Variants in FARS2 observed in about 807,000 individuals in gnomAD.
The protein encoded by FARS2 is phenylalanyl-tRNA synthetase 2, mitochondrial, also known as phenylalanine--tRNA ligase, mitochondrial.
FARS2 carries 40 observed loss-of-function variants against 46.4 expected under a neutral mutation model. That is an observed-to-expected ratio of 0.86 (90% CI 0.67 to 1.12). FARS2 has a LOEUF of 1.12. Among genes scored for constraint, FARS2 ranks in the 50% most tolerant of loss-of-function variants. FARS2 has a pLI of 0.00. For missense variants in FARS2, 513 were observed against 567.9 expected (o/e 0.90, Z 0.98); for synonymous variants, 234 against 214.9 (o/e 1.09, Z -0.78).
rs138053759 is a variant in FARS2 at position 5,498,322 on chromosome 6, G to A, written c.905-46858G>A. On this transcript the variant is annotated intron_variant, in intron 4 of 6. Coordinates refer to ENST00000274680, the MANE Select transcript of FARS2 (RefSeq NM_006567.5). ...GGCTCCTTATTTTTTCCTTTTATTC[G>A]TGTCACTAGGCTTTTGCTTGTTTCG... Among the ~76,000 whole-genome samples, 312 of 152,182 alleles carry A rather than the reference G, an allele frequency of 2.1e-3. 2 individuals are homozygous for A. The highest frequency in any genetic ancestry group is 4.4e-3 in the African/African-American group (181 of 41,506).
At chr6:5,255,068 C>G in the FARS2 span, among the ~76,000 whole-genome samples, 1 of 152,092 alleles carries the variant, frequency 6.6e-6, no homozygotes, top group South Asian at 2.1e-4. Flanking sequence ...GACAAGCCAC[C>G]CTGCTGACCA....
At chr6:5,279,642 C>T (rs889114512) in intron 1 of FARS2, among the ~76,000 whole-genome samples, 3 of 149,560 alleles carry the variant, frequency 2.0e-5, no homozygotes, top group African/African-American at 7.4e-5. Flanking sequence ...ACCTGGAGAC[C>T]CAGGAGAGCA....
chr6:5,287,393 C>T (rs568987297), intron 1 of FARS2, among the ~76,000 whole-genome samples: 2 of 152,282 alleles, frequency 1.3e-5, no homozygotes, highest in Admixed American at 6.5e-5. Flanking sequence ...GAGGTGTCCT[C>T]AGCCCATCCC....
chr6:5,260,652 A>G, upstream of FARS2: 1 of 1,446,308 alleles, frequency 6.9e-7, no homozygotes, highest in East Asian at 3.0e-5. Context: ...GGTCACCTGT[A>G]ATTGTAGGCG....
At chr6:5,341,215 A>T (rs866993737) in intron 1 of FARS2, among the ~76,000 whole-genome samples, 8 of 8,398 alleles carry the variant, frequency 9.5e-4, no homozygotes, top group South Asian at 3.3e-3. Context: ...ATATATATAT[A>T]TATATATATA....
intron 2 of FARS2, among the ~76,000 whole-genome samples, chr6:5,389,852 ATTG>A (rs987776016): frequency 1.7e-5 from 2 of 120,898 alleles, no homozygotes; most frequent in Admixed American, 8.1e-5. Flanking sequence ...TGTTGTTGTT[ATTG>A]TTGTTTTTGT....
chr6:5,424,033 G>A (rs1001124362), intron 3 of FARS2, among the ~76,000 whole-genome samples: 8 of 152,150 alleles, frequency 5.3e-5, no homozygotes, highest in South Asian at 2.1e-4. Context: ...GGGGAGAGAC[G>A]AGATGTAAAC....
At chr6:5,444,324 G>A (rs1241366750) in intron 4 of FARS2, among the ~76,000 whole-genome samples, 1 of 151,830 alleles carries the variant, frequency 6.6e-6, no homozygotes, top group Non-Finnish European at 1.5e-5. Context: ...AAAATTAGCT[G>A]GGCATGGTGT....
At chr6:5,486,948 A>T (rs1001292432) in intron 4 of FARS2, among the ~76,000 whole-genome samples, 1 of 152,218 alleles carries the variant, frequency 6.6e-6, no homozygotes, top group Non-Finnish European at 1.5e-5. Flanking sequence ...TTACCTACTC[A>T]TTCATCAGAT....
intron 4 of FARS2, among the ~76,000 whole-genome samples, chr6:5,517,029 G>T (rs1480090106): frequency 6.6e-6 from 1 of 152,176 alleles, no homozygotes; most frequent in African/African-American, 2.4e-5. Flanking sequence ...TGCATTCATT[G>T]TGCCCTGGGA....
intron 1 of FARS2, among the ~76,000 whole-genome samples, chr6:5,348,685 G>T (rs996087568): frequency 6.6e-5 from 10 of 150,938 alleles, no homozygotes; most frequent in Admixed American, 6.0e-4. Flanking sequence ...ACGGTATTTG[G>T]AGACAAATAA....
At chr6:5,336,545 T>G (rs1771172086) in intron 1 of FARS2, among the ~76,000 whole-genome samples, 1 of 152,124 alleles carries the variant, frequency 6.6e-6, no homozygotes, top group South Asian at 2.1e-4. Context: ...GGTGTTTATA[T>G]TTATGGGGTA....
intron 1 of FARS2, among the ~76,000 whole-genome samples, chr6:5,268,834 A>C (rs1043025746): frequency 6.6e-5 from 10 of 152,156 alleles, no homozygotes; most frequent in Non-Finnish European, 1.2e-4. Flanking sequence ...CCTATCCATG[A>C]GCATGGAATG....
chr6:5,598,905 A>G (rs1364094173), intron 5 of FARS2, among the ~76,000 whole-genome samples: 1 of 152,198 alleles, frequency 6.6e-6, no homozygotes, highest in East Asian at 1.9e-4. Context: ...TCACGTCTTA[A>G]GTTCTTTGGG....
intron 6 of FARS2, among the ~76,000 whole-genome samples, chr6:5,677,995 A>G (rs1778849831): frequency 6.6e-6 from 1 of 152,168 alleles, no homozygotes; most frequent in Admixed American, 6.5e-5. Context: ...TGGATGTGGA[A>G]AACTGAGAGA....
chr6:5,359,118 C>A (rs1198730055), intron 1 of FARS2, among the ~76,000 whole-genome samples: 7 of 136,050 alleles, frequency 5.1e-5, no homozygotes, highest in African/African-American at 1.1e-4. Flanking sequence ...CGGTTCACTG[C>A]AACCTCCGCC....
chr6:5,708,626 C>G (rs1445088321), intron 6 of FARS2, among the ~76,000 whole-genome samples: 1 of 151,720 alleles, frequency 6.6e-6, no homozygotes, highest in African/African-American at 2.4e-5. Context: ...CATGACAATC[C>G]CCCCAAATCC....
intron 6 of FARS2, among the ~76,000 whole-genome samples, chr6:5,698,845 C>T (rs1010025469): frequency 2.0e-5 from 3 of 152,140 alleles, no homozygotes; most frequent in African/African-American, 7.2e-5. Flanking sequence ...GTGGGGTGCC[C>T]TCTGCATCAT....
chr6:5,325,196 G>T (rs868730417), intron 1 of FARS2, among the ~76,000 whole-genome samples: 8 of 152,162 alleles, frequency 5.3e-5, no homozygotes, highest in African/African-American at 1.9e-4. Context: ...GAGCTCTGGT[G>T]GGTGCTTCTC....
Sources: gnomAD v4.1 joint callset for allele counts (sites outside exome capture counted in the v4.1 genomes callset) on GRCh38, gnomAD v4.1.1 for gene constraint, MANE v1.5 for transcripts, NCBI Gene and HGNC (gene_info 2026-07-23, HGNC 2026-07-21) for gene names.